Variants in PLXNA2 observed in about 807,000 individuals in gnomAD.
PLXNA2 encodes plexin A2.
PLXNA2 carries 91 observed loss-of-function variants against 193.5 expected under a neutral mutation model. The ratio of observed to expected loss-of-function variants is 0.47; its 90% CI spans 0.40 to 0.56. The LOEUF (loss-of-function observed/expected upper bound fraction) is 0.56, where lower values mean the gene tolerates loss of function less well. Among genes scored for constraint, PLXNA2 ranks in the 20% least tolerant of loss-of-function variants. The pLI is 0.00. For missense variants in PLXNA2, 1,995 were observed against 2,503.2 expected, an observed-to-expected ratio of 0.80 and a Z score of 4.33; for synonymous variants, 997 against 1,027.3, an observed-to-expected ratio of 0.97 and a Z score of 0.56.
At chr1:208,203,315 C>A (rs1480573203) in intron 3 of PLXNA2, among the ~76,000 whole-genome samples, 2 of 152,140 alleles carry the variant, frequency 1.3e-5, no homozygotes, top group East Asian at 3.9e-4. Context: ...CCCTTCCATG[C>A]AGGCTCTGGG....
intron 1 of PLXNA2, among the ~76,000 whole-genome samples, chr1:208,243,330 C>G (rs1177507846): frequency 6.6e-6 from 1 of 152,134 alleles, no homozygotes; most frequent in Non-Finnish European, 1.5e-5. Flanking sequence ...CCGGCAGGTG[C>G]GCGGTGGAGG....
In PLXNA2 at chr1:208,098,458, T is replaced by TCACACACA. The variant is rs56677339; in HGVS notation, c.1731+380_1731+387dup. Among the ~76,000 whole-genome samples the TCACACACA allele has an allele frequency of 8.0e-4, 99 of 123,520 alleles. 2 individuals are homozygous for TCACACACA. The highest frequency in any genetic ancestry group is 1.3e-3 in the African/African-American group (41 of 31,534). The allele number at this position is 123,520 out of a possible 152,430, so 81.0% of individuals were successfully genotyped here. On this transcript the variant is annotated intron_variant, in intron 6 of 31. Transcript: ENST00000367033. The stretch of plus-strand genomic sequence containing the variant: ...CTCTCTCTCTCTCTCTCTCTCTCTC[T>TCACACACA]CACACACACACACACACACACACAC...
chr1:208,072,714 A>G (rs1666013759), intron 12 of PLXNA2, among the ~76,000 whole-genome samples: 2 of 152,186 alleles, frequency 1.3e-5, no homozygotes, highest in Non-Finnish European at 2.9e-5. Flanking sequence ...TGACTGCCCC[A>G]AGCTCACATG....
chr1:208,151,008 G>C (rs1668746803), intron 3 of PLXNA2, among the ~76,000 whole-genome samples: 1 of 152,224 alleles, frequency 6.6e-6, no homozygotes. Context: ...TCCAGCTTTA[G>C]GCTTGGGCAG....
intron 5 of PLXNA2, 151 bp downstream of exon 5, chr1:208,102,996 T>G (rs376286790): frequency 1.3e-4 from 87 of 656,842 alleles, no homozygotes; most frequent in African/African-American, 6.6e-4. Flanking sequence ...CCTCTTTGCC[T>G]CTTCCTGCTC....
chr1:208,082,353 C>A lies in PLXNA2; in HGVS notation c.2395+59G>T. ...GGCTGGCTGGCTCTGATCCCTCTAGCCCCAGTCTTTCCCGGGGTCGTGAAA... is the reference window on the plus strand; with the variant it reads ...GGCTGGCTGGCTCTGATCCCTCTAGACCCAGTCTTTCCCGGGGTCGTGAAA... On this transcript the variant is annotated intron_variant, in intron 11 of 31. Coordinates refer to ENST00000367033, the MANE Select transcript of PLXNA2 (RefSeq NM_025179.4). This position sits in a 1 kb window ranked among gnomAD's most constrained non-coding sequence, Gnocchi z 4.2. 2 of 1,360,768 alleles carry A rather than the reference C, an allele frequency of 1.5e-6. No homozygotes were observed. The allele number at this position is 1,360,768 out of a possible 1,614,324, so 84.3% of individuals were successfully genotyped here. A position where few individuals can be genotyped will look rare whatever the true frequency, so the allele number is the denominator to read the frequency against.
At chr1:208,126,612 C>T (rs968665797) in intron 4 of PLXNA2, among the ~76,000 whole-genome samples, 10 of 152,126 alleles carry the variant, frequency 6.6e-5, no homozygotes, top group Non-Finnish European at 8.8e-5. Flanking sequence ...AAGAGGAAAC[C>T]GAAGGCTTAA....
chr1:208,169,576 G>A (rs1369301174), intron 3 of PLXNA2, among the ~76,000 whole-genome samples: 1 of 152,224 alleles, frequency 6.6e-6, no homozygotes, highest in Non-Finnish European at 1.5e-5. Context: ...TGGACAAAGG[G>A]CTGGAGCACC....
In PLXNA2 at chr1:208,033,361, C is replaced by T; in HGVS notation, c.5013G>A (p.Lys1671=). The change falls in exon 28 of 32, where the codon AAG becomes AAA. Residue 1671 remains lysine (K), a synonymous_variant. Coordinates refer to ENST00000367033, the MANE Select transcript of PLXNA2 (RefSeq NM_025179.4). The stretch of plus-strand genomic sequence containing the variant: ...GGGTCAGGTAGATCTCGGACACCAT[C>T]TTGCTGCCCCGGTCACCCTCCTTCT... ...GDQKEGDRGS[K]MVSEIYLTRL... 2.5e-6 allele frequency: 4 copies of T among 1,613,396 alleles called. No individual in the cohort carries two copies. In the South Asian group the frequency reaches 3.3e-5, roughly 13 times the overall value.
intron 3 of PLXNA2, among the ~76,000 whole-genome samples, chr1:208,150,714 G>A (rs1022871158): frequency 3.9e-5 from 6 of 152,296 alleles, no homozygotes; most frequent in African/African-American, 9.6e-5. Flanking sequence ...TATGCTGCTC[G>A]TAGAACTAAG....
intron 3 of PLXNA2, among the ~76,000 whole-genome samples, chr1:208,192,142 C>T (rs990293803): frequency 2.0e-5 from 3 of 152,192 alleles, no homozygotes; most frequent in African/African-American, 7.2e-5. Flanking sequence ...AGACCATGAC[C>T]CTGACTTTGT....
At chr1:208,222,647 C>A (rs1319739278) in intron 1 of PLXNA2, among the ~76,000 whole-genome samples, 1 of 152,216 alleles carries the variant, frequency 6.6e-6, no homozygotes, top group Non-Finnish European at 1.5e-5. Flanking sequence ...AAATGACAAT[C>A]AGGCGTTTCC....
chr1:208,192,953 A>T (rs894471252), intron 3 of PLXNA2, among the ~76,000 whole-genome samples: 4 of 152,094 alleles, frequency 2.6e-5, no homozygotes, highest in African/African-American at 7.2e-5. Flanking sequence ...TTAGGGTCAT[A>T]GACAACTTTG....
chr1:208,063,544 C>G (rs1227654911), intron 12 of PLXNA2, among the ~76,000 whole-genome samples: 1 of 152,160 alleles, frequency 6.6e-6, no homozygotes, highest in Non-Finnish European at 1.5e-5. Flanking sequence ...TGGGGGAATC[C>G]AAGCCGGGAG....
chr1:208,146,536 A>G (rs1422477868), intron 3 of PLXNA2, among the ~76,000 whole-genome samples: 3 of 152,162 alleles, frequency 2.0e-5, no homozygotes, highest in African/African-American at 7.2e-5. Flanking sequence ...ATGTAGTTTA[A>G]GTCTGTGATT....
chr1:208,139,996 T>TCC (rs1017541591), intron 4 of PLXNA2, among the ~76,000 whole-genome samples: 1 of 152,038 alleles, frequency 6.6e-6, no homozygotes, highest in Non-Finnish European at 1.5e-5. Flanking sequence ...TACAGGGAGC[T>TCC]CCCCCTACTA....
rs1441288376 is a variant in PLXNA2, at chr1:208,082,628, C to G, written c.2299-120G>C. 1 of 750,434 alleles carries G rather than the reference C, an allele frequency of 1.3e-6. No individual in the cohort carries two copies. Among genetic ancestry groups the G allele is most frequent in the Non-Finnish European group, 2.3e-6 (1 of 436,724 alleles). The allele number at this position is 750,434 out of a possible 1,614,324, so 46.5% of individuals were successfully genotyped here. A position where few individuals can be genotyped will look rare whatever the true frequency, so the allele number is the denominator to read the frequency against. On this transcript the variant is annotated intron_variant, in intron 10 of 31. Coordinates refer to ENST00000367033, the MANE Select transcript of PLXNA2 (RefSeq NM_025179.4). The surrounding 1 kb of genome is among the most constrained non-coding windows in gnomAD (Gnocchi z 4.2). ...TGACGCTCTTTCCCTGAATCCCAGT[C>G]ACTAATGCCAAGAGAATCCCACCCA... is the stretch of plus-strand genomic sequence containing the variant.
rs575054666 is a variant in PLXNA2, at chr1:208,218,701, A to G, written c.-80-699T>C. 4.8e-4 allele frequency among the ~76,000 whole-genome samples: 73 copies of G among 152,354 alleles called. 1 individual carries two copies. Among genetic ancestry groups the G allele is most frequent in the African/African-American group, 1.5e-3 (63 of 41,578 alleles). On this transcript the variant is annotated intron_variant, in intron 1 of 31. Transcript: ENST00000367033. ...AGGAAAGGGAAAAATGTTGTAGCCAACAAGACTGGGATTCCCACATGTGCC... is the reference window on the plus strand; with the variant it reads ...AGGAAAGGGAAAAATGTTGTAGCCAGCAAGACTGGGATTCCCACATGTGCC...
At chr1:208,043,297 C>A in intron 20 of PLXNA2, 94 bp from the exon 21 acceptor site, 2 of 1,231,298 alleles carry the variant, frequency 1.6e-6, no homozygotes, top group East Asian at 2.4e-5. Context: ...GAGGGGAGGA[C>A]CTTTTGTAGA....
Sources: allele counts gnomAD v4.1 joint callset (sites outside exome capture counted in the v4.1 genomes callset), GRCh38; gene constraint gnomAD v4.1.1; non-coding constraint Gnocchi (gnomAD v3.1); transcripts MANE v1.5; gene names NCBI Gene and HGNC (gene_info 2026-07-23, HGNC 2026-07-21).